Variants in KIRREL1 observed in about 807,000 individuals in gnomAD.
The protein encoded by KIRREL1 is kin of IRRE-like protein 1.
Under a neutral mutation model 83.3 loss-of-function variants are expected in KIRREL1, and 25 were observed. That is an observed-to-expected ratio of 0.30 (90% CI 0.22 to 0.42). The LOEUF (loss-of-function observed/expected upper bound fraction) is 0.42, where lower values mean the gene tolerates loss of function less well. Among genes scored for constraint, KIRREL1 ranks in the 10% least tolerant of loss-of-function variants. The pLI is 1.00. For synonymous variants in KIRREL1, 388 were observed against 410.4 expected (o/e 0.95, Z 0.66); for missense variants, 812 against 1,032.3 (o/e 0.79, Z 2.92).
In KIRREL1 at chr1:158,077,785, T is replaced by C. The variant is rs571261989; in HGVS notation, c.203-206T>C. On this transcript the variant is annotated intron_variant, in intron 2 of 14. Transcript: ENST00000359209. Reference sequence around the variant, plus strand: ...ATCTGCTCCTGCTAGCCTCCCTGCTTCAGCTGCCCTCCTGTCTGCTCCTCC... The same window carrying C: ...ATCTGCTCCTGCTAGCCTCCCTGCTCCAGCTGCCCTCCTGTCTGCTCCTCC... Among the ~76,000 whole-genome samples, 6 of 152,322 alleles carry C rather than the reference T, an allele frequency of 3.9e-5. No homozygotes were observed. In the South Asian group the frequency reaches 8.3e-4, roughly 21 times the overall value.
In KIRREL1 at chr1:158,016,036, C is replaced by CTTAATTACA. The variant is rs1659815867; in HGVS notation, c.52+22308_52+22309insTTAATTACA. On this transcript the variant is annotated intron_variant, in intron 1 of 14. Coordinates refer to ENST00000359209, the MANE Select transcript of KIRREL1 (RefSeq NM_018240.7). ...TATTAAGAAAGCAGGCTGGGTGCGGCGGCTCAAGCCTGTAATCCCAGCACT... is the reference window on the plus strand; with the variant it reads ...TATTAAGAAAGCAGGCTGGGTGCGGCTTAATTACAGGCTCAAGCCTGTAATCCCAGCACT... Among the ~76,000 whole-genome samples the CTTAATTACA allele has an allele frequency of 4.6e-5, 7 of 152,074 alleles. No homozygotes were observed. In the South Asian group the frequency reaches 1.2e-3, roughly 27 times the overall value.
At chr1:158,074,021 G>A (rs149239158) in intron 1 of KIRREL1, among the ~76,000 whole-genome samples, 1 of 152,312 alleles carries the variant, frequency 6.6e-6, no homozygotes, top group Non-Finnish European at 1.5e-5. Flanking sequence ...TGGAGAGTTT[G>A]CAGCATATAG....
intron 1 of KIRREL1, among the ~76,000 whole-genome samples, chr1:158,049,025 A>T (rs1207613616): frequency 2.0e-5 from 3 of 152,178 alleles, no homozygotes; most frequent in African/African-American, 7.2e-5. Flanking sequence ...TTTCTGGAAG[A>T]GGGAGCATTT....
At position 158,087,849 on chromosome 1, in the gene KIRREL1, C is replaced by T. The variant is rs1243944399; in HGVS notation, c.756C>T (p.Ile252=). The change falls in exon 6 of 15, where the codon ATC becomes ATT. Residue 252 remains isoleucine (I), a synonymous_variant. Transcript: ENST00000359209. ...GCCAGGCCACAGCCAACCCCGAGAT[C>T]TTGGGCTACAGGTGAGGGGGTCAGA... ...FTCQATANPE[I]LGYRWAKGGF... 2.5e-6 allele frequency: 4 copies of T among 1,613,800 alleles called. No individual in the cohort carries two copies. Among genetic ancestry groups the T allele is most frequent in the African/African-American group, 1.3e-5 (1 of 74,884 alleles).
In KIRREL1 at chr1:158,093,718, G is replaced by A. The variant is rs1662269719; in HGVS notation, c.1675G>A (p.Ala559Thr). The change falls in exon 13 of 15, where the codon GCC (alanine) becomes ACC (threonine). Residue 559 changes from alanine (A) to threonine (T), a missense_variant. Ala to Thr is a moderately conservative substitution (Grantham distance 58, BLOSUM62 0). Transcript: ENST00000359209. ...GCATTCTGACCGGGAGGATGACACC[G>A]CCAGCGTCTCCACAGCAACCCGGGT... The part of the protein sequence containing the change: ...TMHSDREDDT[A>T]SVSTATRVMK... 2.5e-6 allele frequency: 4 copies of A among 1,614,156 alleles called. No individual in the cohort carries two copies. Among genetic ancestry groups the A allele is most frequent in the Middle Eastern group, 1.6e-4 (1 of 6,062 alleles).
chr1:158,096,447 C>A lies in KIRREL1; in HGVS notation c.*1327C>A, dbSNP rs1662357103. On this transcript the variant is annotated 3_prime_UTR_variant, in exon 15 of 15. Coordinates refer to ENST00000359209, the MANE Select transcript of KIRREL1 (RefSeq NM_018240.7). ...GAGTGTCAAGCTTTGGATGACCGAC[C>A]CTATGTGGGCGGTTGTGTGGGGAGT... is the stretch of plus-strand genomic sequence containing the variant. 1.3e-5 allele frequency: 5 copies of A among 379,198 alleles called. No individual in the cohort carries two copies. The highest frequency in any genetic ancestry group is 7.8e-5 in the South Asian group (4 of 51,000). 23.5% of individuals were successfully genotyped at this position (379,198 alleles called of 1,614,324 possible). A position where few individuals can be genotyped will look rare whatever the true frequency, so the allele number is the denominator to read the frequency against.
At chr1:158,087,399 A>T (rs1416046516) in intron 5 of KIRREL1, among the ~76,000 whole-genome samples, 1 of 152,020 alleles carries the variant, frequency 6.6e-6, no homozygotes, top group Non-Finnish European at 1.5e-5. Context: ...GGTGTGTAAT[A>T]AATTGTCTCT....
intron 1 of KIRREL1, among the ~76,000 whole-genome samples, chr1:158,012,161 G>A (rs1271185182): frequency 1.3e-5 from 2 of 152,184 alleles, no homozygotes; most frequent in African/African-American, 4.8e-5. Flanking sequence ...TAGGAGTCAG[G>A]TGACCTGGAT....
intron 1 of KIRREL1, among the ~76,000 whole-genome samples, chr1:158,040,065 G>T (rs556348481): frequency 6.6e-6 from 1 of 152,224 alleles, no homozygotes; most frequent in Non-Finnish European, 1.5e-5. Context: ...CCTCCCTTGC[G>T]TATTTTTCCT....
intron 13 of KIRREL1, among the ~76,000 whole-genome samples, chr1:158,093,978 C>T (rs1276599062): frequency 1.3e-5 from 2 of 152,388 alleles, no homozygotes; most frequent in Non-Finnish European, 2.9e-5. Flanking sequence ...TGTCCAAAGA[C>T]TTCCTTTGCC....
At chr1:158,077,867 G>A (rs12133744) in intron 2 of KIRREL1, 124 bp from the exon 3 acceptor site, 107,536 of 1,108,606 alleles carry the variant, frequency 0.097, 6,170 homozygotes, top group Non-Finnish European at 0.12. Flanking sequence ...GTCTGTGTCT[G>A]GGGCCTCACC....
intron 8 of KIRREL1, among the ~76,000 whole-genome samples, 193 bp downstream of exon 8, chr1:158,088,647 G>T (rs1413286791): frequency 2.6e-5 from 4 of 151,428 alleles, no homozygotes; most frequent in African/African-American, 9.7e-5. Flanking sequence ...ACCACGCCCG[G>T]CTAATTTTTT....
chr1:158,035,637 G>T (rs1398503828), intron 1 of KIRREL1, among the ~76,000 whole-genome samples: 2 of 152,196 alleles, frequency 1.3e-5, no homozygotes, highest in Admixed American at 6.5e-5. Flanking sequence ...AAGGCTCAGA[G>T]AAGTGAAGGT....
intron 1 of KIRREL1, among the ~76,000 whole-genome samples, chr1:157,998,807 T>A (rs1217056): frequency 0.99 from 150,940 of 152,312 alleles, 74,804 homozygotes; most frequent in Middle Eastern, 1. Context: ...TGCCTGGCCT[T>A]GGGTGGTGAA....
intron 1 of KIRREL1, among the ~76,000 whole-genome samples, chr1:158,053,610 A>C (rs1324153676): frequency 6.6e-6 from 1 of 151,890 alleles, no homozygotes; most frequent in Non-Finnish European, 1.5e-5. Flanking sequence ...CTTTACAGAG[A>C]CCCTTTTCAG....
intron 12 of KIRREL1, 43 bp downstream of exon 12, chr1:158,093,489 T>C: frequency 6.2e-7 from 1 of 1,603,716 alleles, no homozygotes; most frequent in Non-Finnish European, 8.5e-7. Context: ...CCCCTGGCTC[T>C]TCCAGGGCCA....
chr1:158,038,619 T>C (rs2101575097), intron 1 of KIRREL1, among the ~76,000 whole-genome samples: 1 of 151,886 alleles, frequency 6.6e-6, no homozygotes, highest in Admixed American at 6.6e-5. Context: ...ATCTACTGTG[T>C]CTAGCCATTC....
chr1:158,042,905 C>T (rs142694805), intron 1 of KIRREL1, among the ~76,000 whole-genome samples: 3 of 86,964 alleles, frequency 3.4e-5, no homozygotes, highest in East Asian at 8.0e-4. Context: ...AACCCCGTCT[C>T]TACTAAAAAA....
intron 1 of KIRREL1, among the ~76,000 whole-genome samples, chr1:158,067,963 G>T (rs1440180541): frequency 6.6e-6 from 1 of 152,154 alleles, no homozygotes; most frequent in Non-Finnish European, 1.5e-5. Flanking sequence ...TTCCCCTACG[G>T]CTGTCCCTAC....
Sources: gnomAD v4.1 joint callset for allele counts (sites outside exome capture counted in the v4.1 genomes callset) on GRCh38, gnomAD v4.1.1 for gene constraint, MANE v1.5 for transcripts, NCBI Gene and HGNC (gene_info 2026-07-23, HGNC 2026-07-21) for gene names.